Variants in GAP43 observed in about 807,000 individuals in gnomAD.
GAP43 encodes the protein growth associated protein 43.
Under a neutral mutation model 18.6 loss-of-function variants are expected in GAP43, and 6 were observed. The ratio of observed to expected loss-of-function variants is 0.32; its 90% confidence interval spans 0.18 to 0.64. GAP43 has a LOEUF of 0.64. Ranked by LOEUF, GAP43 falls within the 30% of genes least tolerant of loss-of-function variation. The pLI is 0.78. For missense variants in GAP43, 292 were observed against 295.5 expected (o/e 0.99, Z 0.09); for synonymous variants, 115 against 111.4 (o/e 1.03, Z -0.20).
intron 2 of GAP43, among the ~76,000 whole-genome samples, chr3:115,677,215 T>C (rs975499325): frequency 2.6e-5 from 4 of 152,226 alleles, no homozygotes; most frequent in Non-Finnish European, 5.9e-5. Context: ...GTAACATTAA[T>C]TGGGGTCAAA....
intron 2 of GAP43, among the ~76,000 whole-genome samples, chr3:115,703,787 TA>T (rs1160042757): frequency 3.3e-5 from 5 of 152,090 alleles, no homozygotes; most frequent in Admixed American, 3.3e-4. Context: ...AGCTATCCTC[TA>T]AAAACACGGA....
In GAP43 at chr3:115,716,754, A is replaced by G. The variant is rs1166090887; in HGVS notation, c.629-4040A>G. On this transcript the variant is annotated intron_variant, in intron 2 of 2. Coordinates refer to ENST00000305124, the MANE Select transcript of GAP43 (RefSeq NM_002045.4). ...TATATATATATATATATATATATAT[A>G]TATATATATATATACAGAGAGAGAG... Among the ~76,000 whole-genome samples the G allele has an allele frequency of 9.3e-4, 120 of 128,788 alleles. 2 individuals are homozygous for G. Among genetic ancestry groups the G allele is most frequent in the African/African-American group, 3.2e-3 (110 of 34,580 alleles). The allele number at this position is 128,788 out of a possible 152,430, so 84.5% of individuals were successfully genotyped here.
chr3:115,637,148 A>G (rs1708339432), intron 1 of GAP43, among the ~76,000 whole-genome samples: 1 of 151,976 alleles, frequency 6.6e-6, no homozygotes, highest in South Asian at 2.1e-4. Context: ...TGCCTCTTAG[A>G]TCTTTTGCAG....
At chr3:115,675,968 G>A (rs374591757) in intron 1 of GAP43, 45 bp from the exon 2 acceptor site, 3 of 1,546,068 alleles carry the variant, frequency 1.9e-6, no homozygotes, top group Non-Finnish European at 2.6e-6. Flanking sequence ...TAAAGGAGAA[G>A]AATGTCATTG....
chr3:115,716,409 G>A (rs1265799765), intron 2 of GAP43, among the ~76,000 whole-genome samples: 2 of 152,084 alleles, frequency 1.3e-5, no homozygotes, highest in Admixed American at 6.6e-5. Flanking sequence ...GCTAGCTAGA[G>A]CAGGTGTATT....
intron 1 of GAP43, among the ~76,000 whole-genome samples, chr3:115,668,160 A>G (rs1490174544): frequency 2.0e-5 from 3 of 152,110 alleles, no homozygotes; most frequent in Non-Finnish European, 4.4e-5. Flanking sequence ...TATGTCTGCT[A>G]TATCCAAAAG....
At chr3:115,643,592 A>G (rs1033927875) in intron 1 of GAP43, among the ~76,000 whole-genome samples, 3 of 152,146 alleles carry the variant, frequency 2.0e-5, no homozygotes, top group Admixed American at 6.5e-5. Flanking sequence ...TTGTTGCAAC[A>G]TATTCACGAG....
At chr3:115,640,426 A>T (rs1174064027) in intron 1 of GAP43, among the ~76,000 whole-genome samples, 1 of 152,076 alleles carries the variant, frequency 6.6e-6, no homozygotes, top group Non-Finnish European at 1.5e-5. Flanking sequence ...AGCCTTTTCT[A>T]GAAGATAATT....
At chr3:115,634,971 T>TA (rs1708310038) in intron 1 of GAP43, among the ~76,000 whole-genome samples, 1 of 152,106 alleles carries the variant, frequency 6.6e-6, no homozygotes, top group African/African-American at 2.4e-5. Flanking sequence ...AAATCAATTT[T>TA]AAAAAGTATT....
Position 115,646,780 on chromosome 3 carries a change from G to T in GAP43, c.30+23061G>T, listed in dbSNP as rs28370258. 4.4e-4 allele frequency among the ~76,000 whole-genome samples: 67 copies of T among 152,064 alleles called. 1 individual carries two copies. In the South Asian group the frequency reaches 0.013, roughly 30 times the overall value. ...GAGACCTCTCTATTAAGACTCATTTGCGATTTGGTACCATATTGCAAATGA... is the reference window on the plus strand; with the variant it reads ...GAGACCTCTCTATTAAGACTCATTTTCGATTTGGTACCATATTGCAAATGA... On this transcript the variant is annotated intron_variant, in intron 1 of 2. Coordinates refer to ENST00000305124, the MANE Select transcript of GAP43 (RefSeq NM_002045.4).
intron 2 of GAP43, among the ~76,000 whole-genome samples, chr3:115,701,764 A>C: frequency 6.6e-6 from 1 of 152,032 alleles, no homozygotes; most frequent in East Asian, 1.9e-4. Flanking sequence ...TGTTTCCCAT[A>C]ATCATAAGCC....
At chr3:115,640,888 CTCTT>C (rs1258333152) in intron 1 of GAP43, among the ~76,000 whole-genome samples, 9 of 151,568 alleles carry the variant, frequency 5.9e-5, no homozygotes, top group East Asian at 1.9e-4. Context: ...ACGTGAAATT[CTCTT>C]TCTTTCTCTT....
chr3:115,628,482 C>T (rs951146447), intron 1 of GAP43, among the ~76,000 whole-genome samples: 6 of 152,008 alleles, frequency 3.9e-5, no homozygotes, highest in Non-Finnish European at 7.4e-5. Flanking sequence ...TTCACTATTC[C>T]ATCTAGTTTA....
At chr3:115,631,684 G>A (rs150775801) in intron 1 of GAP43, among the ~76,000 whole-genome samples, 1 of 152,122 alleles carries the variant, frequency 6.6e-6, no homozygotes, top group African/African-American at 2.4e-5. Context: ...GCAGTGGTGT[G>A]ATCTCGACTC....
chr3:115,657,166 G>A (rs1438700988), intron 1 of GAP43, among the ~76,000 whole-genome samples: 1 of 152,158 alleles, frequency 6.6e-6, no homozygotes, highest in Non-Finnish European at 1.5e-5. Flanking sequence ...AACATCATGT[G>A]GGGAGAGGGC....
intron 2 of GAP43, among the ~76,000 whole-genome samples, chr3:115,687,097 T>C (rs958663786): frequency 3.1e-5 from 4 of 128,182 alleles, no homozygotes; most frequent in Non-Finnish European, 4.8e-5. Context: ...TGACTGAAGA[T>C]GTCCTGAAAT....
At chr3:115,664,809 G>A (rs905561575) in intron 1 of GAP43, among the ~76,000 whole-genome samples, 6 of 152,076 alleles carry the variant, frequency 3.9e-5, no homozygotes, top group African/African-American at 1.4e-4. Context: ...AGCAGCTTGG[G>A]GACAGAAATC....
At chr3:115,690,757 C>CTTTTTTT (rs71616327) in intron 2 of GAP43, among the ~76,000 whole-genome samples, 1 of 110,996 alleles carries the variant, frequency 9.0e-6, no homozygotes, top group Non-Finnish European at 1.9e-5. Context: ...TTCTTTCTTT[C>CTTTTTTT]TTTTTTTTTT....
At chr3:115,715,348 G>A (rs902112778) in intron 2 of GAP43, among the ~76,000 whole-genome samples, 11 of 152,278 alleles carry the variant, frequency 7.2e-5, no homozygotes, top group South Asian at 2.1e-4. Context: ...GATTTCAGCC[G>A]TCACACTAGC....
Sources: gnomAD v4.1 joint callset for allele counts (sites outside exome capture counted in the v4.1 genomes callset) on GRCh38, gnomAD v4.1.1 for gene constraint, MANE v1.5 for transcripts, NCBI Gene and HGNC (gene_info 2026-07-23, HGNC 2026-07-21) for gene names.